WASF3: variants seen among roughly 807,000 people sequenced by gnomAD.
WASF3 encodes the protein actin-binding protein WASF3.
A neutral mutation model predicts 46.6 loss-of-function variants in WASF3; 11 were observed. The ratio of observed to expected loss-of-function variants is 0.24; its 90% CI spans 0.15 to 0.39. WASF3 has a LOEUF of 0.39. Ranked by LOEUF, WASF3 falls within the 10% of genes least tolerant of loss-of-function variation. WASF3 has a pLI of 1.00. For missense variants in WASF3, 576 were observed against 669.8 expected, an observed-to-expected ratio of 0.86 and a Z score of 1.55; for synonymous variants, 242 against 259.7, an observed-to-expected ratio of 0.93 and a Z score of 0.65.
chr13:26,673,601 C>T (rs1194055180), intron 6 of WASF3, among the ~76,000 whole-genome samples: 2 of 152,098 alleles, frequency 1.3e-5, no homozygotes, highest in Non-Finnish European at 2.9e-5. Flanking sequence ...CTTTATTTCC[C>T]AGGATTTCAG....
chr13:26,598,466 G>A (rs1880542903), intron 1 of WASF3, among the ~76,000 whole-genome samples: 1 of 152,120 alleles, frequency 6.6e-6, no homozygotes, highest in South Asian at 2.1e-4. Flanking sequence ...TCGGCCCGAT[G>A]ATTTTTTATT....
chr13:26,622,619 A>G (rs1239181569), intron 2 of WASF3: 3 of 152,152 alleles, frequency 2.0e-5, no homozygotes, highest in Non-Finnish European at 4.4e-5. Flanking sequence ...TGAGAATATC[A>G]GTTTACTTAG....
At chr13:26,670,448 A>T (rs762620797) in intron 5 of WASF3, among the ~76,000 whole-genome samples, 47 of 152,284 alleles carry the variant, frequency 3.1e-4, no homozygotes, top group Non-Finnish European at 5.4e-4. Flanking sequence ...TACCTGTGTA[A>T]CAAACCTACA....
At chr13:26,606,450 A>C (rs1880802028) in intron 1 of WASF3, 1 of 150,218 alleles carries the variant, frequency 6.7e-6, no homozygotes, top group Non-Finnish European at 1.5e-5. Context: ...TGACCTCCCA[A>C]GCTGAAGCGA....
At chr13:26,557,497 C>T (rs1879126981), upstream of WASF3, among the ~76,000 whole-genome samples, 1 of 138,644 alleles carries the variant, frequency 7.2e-6, no homozygotes, top group African/African-American at 2.7e-5. Flanking sequence ...GTGAGAGCCA[C>T]CGCCTCCGCA....
At chr13:26,574,200 AGAGTG>A (rs779058481) in intron 1 of WASF3, among the ~76,000 whole-genome samples, 44 of 152,234 alleles carry the variant, frequency 2.9e-4, no homozygotes, top group Non-Finnish European at 5.9e-4. Flanking sequence ...CTCTGTTACC[AGAGTG>A]GAGTGCTGTC....
rs780502159 is a variant in WASF3 at position 26,682,635 on chromosome 13, T to A, written c.1012T>A (p.Tyr338Asn). 1 of 1,614,020 alleles carries A rather than the reference T, an allele frequency of 6.2e-7. No individual in the cohort carries two copies. The highest frequency in any genetic ancestry group is 8.5e-7 in the Non-Finnish European group (1 of 1,180,026). The change falls in exon 9 of 10, where the codon TAC (tyrosine) becomes AAC (asparagine). Residue 338 changes from tyrosine to asparagine, a missense_variant. By Grantham distance (143) the Tyr-to-Asn change is moderately radical. Transcript: ENST00000335327. The surrounding 1 kb of genome is among the most constrained non-coding windows in gnomAD (Gnocchi z 4.4). ...GMLPAQIIEY[Y>N]NPSGPPPPPP... ...GCTCCCAGCGCAGATAATTGAGTAT[T>A]ACAACCCATCCGGACCACCTCCTCC...
chr13:26,677,330 C>T (rs1389417397), intron 7 of WASF3, among the ~76,000 whole-genome samples: 1 of 152,188 alleles, frequency 6.6e-6, no homozygotes, highest in African/African-American at 2.4e-5. Context: ...ACACTTGTCA[C>T]CAAAGGCATT....
chr13:26,555,224 A>G (rs1341232635), upstream of WASF3, among the ~76,000 whole-genome samples: 1 of 152,010 alleles, frequency 6.6e-6, no homozygotes, highest in Non-Finnish European at 1.5e-5. Context: ...GTCTGTTTAG[A>G]TCTTTTGCTC....
At chr13:26,554,115 C>CTT (rs1555245938), upstream of WASF3, among the ~76,000 whole-genome samples, 1 of 125,768 alleles carries the variant, frequency 8.0e-6, no homozygotes, top group Non-Finnish European at 1.6e-5. Context: ...TTCTTTCTTT[C>CTT]TTTCTTTCTT....
At chr13:26,554,553 A>T (rs1879058857), upstream of WASF3, among the ~76,000 whole-genome samples, 1 of 152,222 alleles carries the variant, frequency 6.6e-6, no homozygotes. Flanking sequence ...GACCTTGCTT[A>T]AAAAATTTTA....
chr13:26,570,869 G>A (rs118112190), intron 1 of WASF3, among the ~76,000 whole-genome samples: 182 of 152,218 alleles, frequency 1.2e-3, no homozygotes, highest in South Asian at 1.9e-3. Flanking sequence ...CTTGTTAGAC[G>A]CTGCTGAATT....
At chr13:26,645,540 C>G (rs554923902) in intron 3 of WASF3, among the ~76,000 whole-genome samples, 1 of 152,072 alleles carries the variant, frequency 6.6e-6, no homozygotes, top group South Asian at 2.1e-4. Flanking sequence ...AGAATTATAT[C>G]TCGTATCAGG....
At chr13:26,554,096 CTTCT>C (rs57590764), upstream of WASF3, among the ~76,000 whole-genome samples, 28 of 7,384 alleles carry the variant, frequency 3.8e-3, no homozygotes, top group African/African-American at 6.7e-3. Flanking sequence ...TCCTTCCTTC[CTTCT>C]TTCTTTCTTT....
chr13:26,559,841 G>C (rs1879240034), intron 1 of WASF3, among the ~76,000 whole-genome samples: 1 of 74,470 alleles, frequency 1.3e-5, no homozygotes, highest in African/African-American at 5.1e-5. Flanking sequence ...TTTTGAGACG[G>C]AGTCTTGCTC....
intron 6 of WASF3, among the ~76,000 whole-genome samples, chr13:26,675,436 T>G (rs1335741891): frequency 6.6e-6 from 1 of 151,280 alleles, no homozygotes; most frequent in Non-Finnish European, 1.5e-5. Context: ...TTCAATACTC[T>G]CAGTCATTCC....
chr13:26,580,408 T>G (rs561248230), intron 1 of WASF3, among the ~76,000 whole-genome samples: 1 of 152,208 alleles, frequency 6.6e-6, no homozygotes, highest in Non-Finnish European at 1.5e-5. Context: ...AACACCTGAA[T>G]GAATGGTGCT....
the WASF3 span, among the ~76,000 whole-genome samples, chr13:26,541,392 A>G: frequency 6.6e-6 from 1 of 152,206 alleles, no homozygotes; most frequent in Non-Finnish European, 1.5e-5. Flanking sequence ...TAGCCTCTCT[A>G]TGTCTTGTTT....
intron 1 of WASF3, among the ~76,000 whole-genome samples, chr13:26,586,863 A>G (rs1320386061): frequency 1.3e-5 from 2 of 152,076 alleles, no homozygotes; most frequent in African/African-American, 4.8e-5. Context: ...TGGTTTCTAT[A>G]TTCTCATCAC....
Sources: allele counts gnomAD v4.1 joint callset (sites outside exome capture counted in the v4.1 genomes callset), GRCh38; gene constraint gnomAD v4.1.1; non-coding constraint Gnocchi (gnomAD v3.1); transcripts MANE v1.5; gene names NCBI Gene and HGNC (gene_info 2026-07-23, HGNC 2026-07-21).